Variants in DENND4A observed in about 807,000 individuals in gnomAD.
The protein encoded by DENND4A is DENN domain containing 4A, also known as C-myc promoter-binding protein.
Under a neutral mutation model 199.3 loss-of-function variants are expected in DENND4A, and 70 were observed. That is an observed-to-expected ratio of 0.35 (90% confidence interval 0.29 to 0.43). The LOEUF (loss-of-function observed/expected upper bound fraction) is 0.43. Ranked by LOEUF, DENND4A falls within the 20% of genes least tolerant of loss-of-function variation. DENND4A has a pLI of 1.00. For synonymous variants in DENND4A, 686 were observed against 766.9 expected (o/e 0.89, Z 1.74); for missense variants, 1,723 against 2,255.8 (o/e 0.76, Z 4.78).
At chr15:65,769,014 A>C (rs2077057228) in intron 1 of DENND4A, among the ~76,000 whole-genome samples, 1 of 151,838 alleles carries the variant, frequency 6.6e-6, no homozygotes, top group African/African-American at 2.4e-5. Flanking sequence ...CAAAAAACAA[A>C]AAAAAAAACC....
At chr15:65,749,392 T>G (rs1247028867) in intron 4 of DENND4A, among the ~76,000 whole-genome samples, 3 of 152,222 alleles carry the variant, frequency 2.0e-5, no homozygotes, top group Non-Finnish European at 4.4e-5. Flanking sequence ...TGTGCAGAAC[T>G]GAGTTATTGA....
At chr15:65,706,791 G>C (rs2075077802) in intron 14 of DENND4A, among the ~76,000 whole-genome samples, 2 of 152,180 alleles carry the variant, frequency 1.3e-5, no homozygotes. Flanking sequence ...ACAGCGCCCG[G>C]CCTTTCATTT....
intron 23 of DENND4A, among the ~76,000 whole-genome samples, chr15:65,676,867 C>T (rs1566992251): frequency 1.3e-5 from 2 of 152,158 alleles, no homozygotes; most frequent in Admixed American, 6.5e-5. Context: ...AAAGTATATA[C>T]TAGTTAGTAA....
intron 2 of DENND4A, among the ~76,000 whole-genome samples, chr15:65,757,389 G>C (rs1259901594): frequency 2.6e-5 from 4 of 151,908 alleles, no homozygotes; most frequent in Non-Finnish European, 5.9e-5. Context: ...GATCCGGCTT[G>C]TGTTTTAGAA....
chr15:65,734,341 G>A (rs1408836836), intron 7 of DENND4A, among the ~76,000 whole-genome samples: 4 of 152,172 alleles, frequency 2.6e-5, no homozygotes, highest in Non-Finnish European at 5.9e-5. Context: ...TACCTTGTCT[G>A]TGATGCAAAG....
chr15:65,660,183 G>A lies in DENND4A; in HGVS notation c.*1668C>T. 1 of 794,794 alleles carries A rather than the reference G, an allele frequency of 1.3e-6. No homozygotes were observed. Among genetic ancestry groups the A allele is most frequent in the South Asian group, 1.5e-5 (1 of 66,054 alleles). 49.2% of individuals were successfully genotyped at this position (794,794 alleles called of 1,614,324 possible). On this transcript the variant is annotated 3_prime_UTR_variant, in exon 33 of 33. Transcript: ENST00000443035. Reference sequence around the variant, plus strand: ...GAGTGGTATTTACAAAGGAGAGGCAGATATATGTGCCTAGCACCAGATTTT... The same window carrying A: ...GAGTGGTATTTACAAAGGAGAGGCAAATATATGTGCCTAGCACCAGATTTT...
intron 12 of DENND4A, among the ~76,000 whole-genome samples, chr15:65,720,205 A>G (rs1365149493): frequency 6.6e-6 from 1 of 152,206 alleles, no homozygotes; most frequent in East Asian, 1.9e-4. Context: ...TAGTGATGTC[A>G]AAGAATGTAC....
Position 65,691,362 on chromosome 15 carries a change from G to A in DENND4A, c.3232C>T (p.Leu1078Phe). 6.2e-7 allele frequency: 1 copy of A among 1,613,544 alleles called. No individual in the cohort carries two copies. The highest frequency in any genetic ancestry group is 8.5e-7 in the Non-Finnish European group (1 of 1,179,728). The change falls in exon 23 of 33, where the codon CTT becomes TTT. Residue 1078 changes from leucine to phenylalanine, a missense_variant. Leu to Phe is a conservative substitution (Grantham distance 22, BLOSUM62 0). Around this residue, in one of 6 missense-constraint regions of DENND4A, gnomAD observed 650 missense variants for 738.1 expected, o/e 0.88. Transcript: ENST00000443035. ...QVVWGNRNRN[L>F]SGGVLMGFML... ...AATCCCATCAGTACCCCTCCACTAA[G>A]ATTACGGTTTCTATTTCCCCAGACC... is the stretch of plus-strand genomic sequence containing the variant.
intron 15 of DENND4A, among the ~76,000 whole-genome samples, chr15:65,704,646 A>AG (rs781286982): frequency 9.9e-5 from 15 of 152,212 alleles, no homozygotes; most frequent in Non-Finnish European, 2.1e-4. Context: ...GCTGGAGTGC[A>AG]GTGGCACGAT....
At chr15:65,762,012 G>A (rs961910013) in intron 1 of DENND4A, among the ~76,000 whole-genome samples, 10 of 152,150 alleles carry the variant, frequency 6.6e-5, no homozygotes, top group African/African-American at 1.7e-4. Context: ...TGTTGTTATT[G>A]TTGTTGTTTT....
At chr15:65,738,585 A>G in intron 6 of DENND4A, 121 bp downstream of exon 6, 2 of 814,482 alleles carry the variant, frequency 2.5e-6, no homozygotes, top group Non-Finnish European at 3.7e-6. Flanking sequence ...TATTTTAATC[A>G]ACTGGAAAAG....
chr15:65,721,482 A>G (rs1254947763), intron 12 of DENND4A, among the ~76,000 whole-genome samples: 1 of 152,088 alleles, frequency 6.6e-6, no homozygotes, highest in Non-Finnish European at 1.5e-5. Context: ...TATAATACCA[A>G]GAAGATCAGA....
intron 23 of DENND4A, among the ~76,000 whole-genome samples, chr15:65,686,866 T>TAAA (rs55817012): frequency 7.0e-6 from 1 of 142,254 alleles, no homozygotes; most frequent in African/African-American, 2.6e-5. Context: ...TAGTTAAAAT[T>TAAA]AAAAAAAAAA....
chr15:65,671,961 A>C lies in DENND4A; in HGVS notation c.4370-75T>G, dbSNP rs1014881882. ...AAGGATATAAGAATCTTTTACTTCC[A>C]TAAGTTCTCAGATAAAATGTTAACC... On this transcript the variant is annotated intron_variant, in intron 24 of 32. Transcript: ENST00000443035. 14 of 880,386 alleles carry C rather than the reference A, an allele frequency of 1.6e-5. No individual in the cohort carries two copies. The African/African-American group carries it at 2.2e-4, about 14-fold the overall frequency. The allele number at this position is 880,386 out of a possible 1,614,324, so 54.5% of individuals were successfully genotyped here.
chr15:65,784,973 C>A (rs1405386788), intron 1 of DENND4A, among the ~76,000 whole-genome samples: 1 of 151,966 alleles, frequency 6.6e-6, no homozygotes, highest in Admixed American at 6.6e-5. Context: ...GATGGTGAAA[C>A]CCCACCTCTA....
chr15:65,755,678 A>G (rs1015317839), intron 3 of DENND4A, among the ~76,000 whole-genome samples: 36 of 152,138 alleles, frequency 2.4e-4, no homozygotes, highest in Admixed American at 1.9e-3. Context: ...GGGCAGGAGG[A>G]TTACTTGAGG....
In DENND4A at chr15:65,669,808, G is replaced by A; in HGVS notation, c.4758C>T (p.Leu1586=). The change falls in exon 27 of 33, where the codon CTC becomes CTT. Residue 1586 remains leucine, a synonymous_variant. Coordinates refer to ENST00000443035, the MANE Select transcript of DENND4A (RefSeq NM_001320835.1). ...TTAGATCAAAATTCCCTTGAACAGA[G>A]AGAGCAGATGTGTCAAGACCAGAGG... ...TSASGLDTSA[L]SVQGNFDLNS... The A allele has an allele frequency of 6.2e-7, 1 of 1,612,920 alleles. No homozygotes were observed. The highest frequency in any genetic ancestry group is 8.5e-7 in the Non-Finnish European group (1 of 1,179,238).
chr15:65,726,359 TA>T (rs2075803163), intron 11 of DENND4A, among the ~76,000 whole-genome samples: 1 of 152,126 alleles, frequency 6.6e-6, no homozygotes, highest in African/African-American at 2.4e-5. Flanking sequence ...TAATTTCAAT[TA>T]AAAAATATTA....
At chr15:65,731,362 C>T (rs62014398) in intron 9 of DENND4A, 29,179 of 460,766 alleles carry the variant, frequency 0.063, 1,044 homozygotes, top group African/African-American at 0.086. Context: ...CTAAAAATAA[C>T]TGTTCTCATC....
Sources: allele counts gnomAD v4.1 joint callset (sites outside exome capture counted in the v4.1 genomes callset), GRCh38; gene constraint gnomAD v4.1.1; regional missense constraint gnomAD v4.1.1; transcripts MANE v1.5; gene names NCBI Gene and HGNC (gene_info 2026-07-23, HGNC 2026-07-21).